HBS1L: variants seen among roughly 807,000 people sequenced by gnomAD.
The protein encoded by HBS1L is HBS1-like protein.
Under a neutral mutation model 88.9 loss-of-function variants are expected in HBS1L, and 55 were observed. The observed-to-expected ratio is 0.62, with a 90% CI of 0.50 to 0.77. HBS1L has a LOEUF of 0.77. Among genes scored for constraint, HBS1L ranks in the 30% least tolerant of loss-of-function variants. The pLI is 0.00. For missense variants in HBS1L, 741 were observed against 829.3 expected (o/e 0.89, Z 1.31); for synonymous variants, 267 against 288.5 (o/e 0.93, Z 0.76).
intron 4 of HBS1L, among the ~76,000 whole-genome samples, chr6:135,016,276 A>G (rs535998869): frequency 6.6e-6 from 1 of 152,240 alleles, no homozygotes; most frequent in Non-Finnish European, 1.5e-5. Context: ...ATACTTCTGA[A>G]TAACAGTTAA....
chr6:135,054,695 G>C lies in HBS1L; in HGVS notation c.-4C>G. ...GAACATTCCGATGCCGGGCCATGACGGCGGAGAGGGCGTTTGCCACAGCCC... is the reference window on the plus strand; with the variant it reads ...GAACATTCCGATGCCGGGCCATGACCGCGGAGAGGGCGTTTGCCACAGCCC... On this transcript the variant is annotated 5_prime_UTR_variant, in exon 1 of 18. Transcript: ENST00000367837. 6.2e-7 allele frequency: 1 copy of C among 1,614,222 alleles called. No individual in the cohort carries two copies. The highest frequency in any genetic ancestry group is 8.5e-7 in the Non-Finnish European group (1 of 1,180,032).
In HBS1L at chr6:134,978,738, G is replaced by A. The variant is rs769187977; in HGVS notation, c.1738C>T (p.Arg580Cys). 1.8e-5 allele frequency: 29 copies of A among 1,609,608 alleles called. No homozygotes were observed. The highest frequency in any genetic ancestry group is 2.4e-5 in the Non-Finnish European group (28 of 1,177,552). ...AAGATGAGGATTCGGGCTCTGAAAC[G>A]AGTGCAAGCTTTAATGGGTACTTTG... Reference protein sequence around the residue: ...GPKVPIKACTRFRARILIFNI... With the variant: ...GPKVPIKACTCFRARILIFNI... The change falls in exon 15 of 18, where the codon CGT (arginine) becomes TGT (cysteine). Residue 580 changes from arginine (R) to cysteine (C), a missense_variant. Arg to Cys is a radical substitution (Grantham distance 180, BLOSUM62 -3). Around this residue, in one of 3 missense-constraint regions of HBS1L, gnomAD observed 181 missense variants for 212.7 expected, o/e 0.85. Coordinates refer to ENST00000367837, the MANE Select transcript of HBS1L (RefSeq NM_006620.4).
intron 13 of HBS1L, 158 bp downstream of exon 13, chr6:134,982,300 T>C: frequency 1.7e-6 from 1 of 584,292 alleles, no homozygotes; most frequent in Non-Finnish European, 3.1e-6. Flanking sequence ...TCGTTTAATG[T>C]TTTCACATTT....
chr6:134,999,484 A>G (rs1394555957), intron 5 of HBS1L, among the ~76,000 whole-genome samples: 7 of 120,318 alleles, frequency 5.8e-5, no homozygotes, highest in Admixed American at 1.1e-4. Context: ...GTCTCCCTCT[A>G]TCACCCAGGC....
intron 4 of HBS1L, among the ~76,000 whole-genome samples, chr6:135,026,171 G>C (rs1776222038): frequency 6.6e-6 from 1 of 152,068 alleles, no homozygotes; most frequent in African/African-American, 2.4e-5. Flanking sequence ...AAAAATAATT[G>C]TTTAAAAGCT....
At chr6:135,025,081 C>A (rs1037751472) in intron 4 of HBS1L, among the ~76,000 whole-genome samples, 32 of 152,098 alleles carry the variant, frequency 2.1e-4, no homozygotes, top group African/African-American at 7.7e-4. Flanking sequence ...TAACAAGTGC[C>A]CTTGGAAAAA....
chr6:134,977,792 A>C (rs1774692739), intron 15 of HBS1L, among the ~76,000 whole-genome samples: 1 of 151,992 alleles, frequency 6.6e-6, no homozygotes, highest in Non-Finnish European at 1.5e-5. Flanking sequence ...CAGAATCTGT[A>C]CTATATGAGC....
At chr6:135,013,696 G>C (rs989100934) in intron 4 of HBS1L, among the ~76,000 whole-genome samples, 5 of 152,192 alleles carry the variant, frequency 3.3e-5, no homozygotes, top group African/African-American at 9.6e-5. Context: ...AATGGAGATA[G>C]AGAAAGGAAT....
At chr6:134,980,133 C>T (rs980959002) in intron 13 of HBS1L, among the ~76,000 whole-genome samples, 3 of 151,928 alleles carry the variant, frequency 2.0e-5, no homozygotes, top group African/African-American at 7.2e-5. Context: ...AATGTGTAGG[C>T]CAACCACTGT....
At chr6:135,023,268 C>A (rs976606716) in intron 4 of HBS1L, among the ~76,000 whole-genome samples, 5 of 152,054 alleles carry the variant, frequency 3.3e-5, no homozygotes, top group Non-Finnish European at 5.9e-5. Context: ...CACGGTGAAA[C>A]CCCGTCTCTT....
chr6:135,047,914 A>C (rs1776962226), intron 2 of HBS1L, among the ~76,000 whole-genome samples: 2 of 152,230 alleles, frequency 1.3e-5, no homozygotes, highest in Admixed American at 1.3e-4. Flanking sequence ...AATGCCTAGG[A>C]GGTTCCTAGA....
At chr6:135,017,701 A>C (rs951520458) in intron 4 of HBS1L, among the ~76,000 whole-genome samples, 5 of 152,056 alleles carry the variant, frequency 3.3e-5, no homozygotes, top group Non-Finnish European at 5.9e-5. Context: ...AGAAACGCAT[A>C]GACAAAAACT....
chr6:135,042,699 C>T (rs942205004), intron 2 of HBS1L, among the ~76,000 whole-genome samples: 1 of 151,830 alleles, frequency 6.6e-6, no homozygotes, highest in Non-Finnish European at 1.5e-5. Context: ...ATCCCAGCTA[C>T]TCAGGAGGCT....
chr6:134,966,570 T>A, intron 16 of HBS1L, 97 bp from the exon 17 acceptor site: 3 of 747,430 alleles, frequency 4.0e-6, no homozygotes, highest in South Asian at 3.1e-5. Flanking sequence ...TTAACCAACA[T>A]ATCAACTGAG....
At chr6:135,020,147 T>TA (rs1302277395) in intron 4 of HBS1L, among the ~76,000 whole-genome samples, 2 of 116,414 alleles carry the variant, frequency 1.7e-5, no homozygotes, top group Admixed American at 8.8e-5. Context: ...TATGAATGAT[T>TA]AAAAAAAACC....
chr6:135,005,870 A>G (rs1467722825), intron 4 of HBS1L, among the ~76,000 whole-genome samples: 1 of 152,224 alleles, frequency 6.6e-6, no homozygotes, highest in Non-Finnish European at 1.5e-5. Flanking sequence ...TACAGCACCT[A>G]GTTATGCTCT....
At chr6:135,034,400 T>C (rs1776470026) in intron 4 of HBS1L, among the ~76,000 whole-genome samples, 1 of 152,246 alleles carries the variant, frequency 6.6e-6, no homozygotes, top group Non-Finnish European at 1.5e-5. Flanking sequence ...TCCCAGCACT[T>C]CGGGAGGCCG....
At chr6:134,994,205 G>C (rs1775225700) in intron 7 of HBS1L, among the ~76,000 whole-genome samples, 1 of 152,022 alleles carries the variant, frequency 6.6e-6, no homozygotes, top group African/African-American at 2.4e-5. Context: ...GGAAAATACT[G>C]CATATGAGAA....
At chr6:135,009,303 C>T (rs1775701433) in intron 4 of HBS1L, among the ~76,000 whole-genome samples, 1 of 152,062 alleles carries the variant, frequency 6.6e-6, no homozygotes. Flanking sequence ...TTCTGAGAGA[C>T]AAGTTATAAA....
Sources: allele counts gnomAD v4.1 joint callset (sites outside exome capture counted in the v4.1 genomes callset), GRCh38; gene constraint gnomAD v4.1.1; regional missense constraint gnomAD v4.1.1; transcripts MANE v1.5; gene names NCBI Gene and HGNC (gene_info 2026-07-23, HGNC 2026-07-21).